The following CYP20A1 variants were observed in gnomAD, a reference collection of about 807,000 sequenced individuals.
The protein encoded by CYP20A1 is cytochrome P450 family 20 subfamily A member 1.
A neutral mutation model predicts 61.4 loss-of-function variants in CYP20A1; 61 were observed. That is an observed-to-expected ratio of 0.99 (90% CI 0.81 to 1.23). CYP20A1 has a LOEUF of 1.23. CYP20A1 is among the 50% of genes most tolerant of loss of function. CYP20A1 has a pLI of 0.00. For synonymous variants in CYP20A1, 193 were observed against 188.2 expected (o/e 1.03, Z -0.21); for missense variants, 530 against 542.4 (o/e 0.98, Z 0.23).
At chr2:203,265,351 G>A (rs1009823808) in intron 4 of CYP20A1, among the ~76,000 whole-genome samples, 5 of 152,144 alleles carry the variant, frequency 3.3e-5, no homozygotes, top group African/African-American at 9.7e-5. Flanking sequence ...CTGCCCTAGA[G>A]ATTACAATAG....
intron 2 of CYP20A1, 104 bp from the exon 3 acceptor site, chr2:203,246,651 C>A: frequency 2.7e-6 from 3 of 1,121,268 alleles, no homozygotes; most frequent in Non-Finnish European, 3.7e-6. Context: ...ATTTCATGAA[C>A]CTTTGTTCTC....
chr2:203,239,190 C>T (rs1384689910), intron 1 of CYP20A1, 56 bp downstream of exon 1: 3 of 1,486,588 alleles, frequency 2.0e-6, no homozygotes, highest in African/African-American at 2.8e-5. Context: ...CTCTCTGTCG[C>T]CGGCATCCAG....
chr2:203,304,809 A>G lies in CYP20A1; in HGVS notation c.*7901A>G, dbSNP rs1042070818. On this transcript the variant is annotated 3_prime_UTR_variant, in exon 13 of 13. Transcript: ENST00000356079. The stretch of plus-strand genomic sequence containing the variant: ...AAATTAGCCAGGTGTGCTGGCGCAC[A>G]CCTGTAGTCCCAACTACTCAGGAGG... 6.6e-5 allele frequency among the ~76,000 whole-genome samples: 10 copies of G among 151,146 alleles called. No individual in the cohort carries two copies. Among genetic ancestry groups the G allele is most frequent in the Non-Finnish European group, 1.3e-4 (9 of 67,786 alleles).
chr2:203,278,104 C>T (rs1395505422), intron 6 of CYP20A1, among the ~76,000 whole-genome samples: 9 of 151,984 alleles, frequency 5.9e-5, no homozygotes, highest in Admixed American at 3.9e-4. Context: ...GGTGAAACCC[C>T]GTCTCTACCA....
rs761584368 is a variant in CYP20A1, at chr2:203,245,843, A to G, written c.73-3A>G. ...TCATTATTATAAACTTTTTTTTTGT[A>G]AGGCTTCCAGACAAGCTGCAGGAAT... On this transcript the variant is annotated splice_region_variant and splice_polypyrimidine_tract_variant and intron_variant, in intron 1 of 12. Coordinates refer to ENST00000356079, the MANE Select transcript of CYP20A1 (RefSeq NM_177538.3). 8 of 1,589,536 alleles carry G rather than the reference A, an allele frequency of 5.0e-6. No homozygotes were observed. Among genetic ancestry groups the G allele is most frequent in the South Asian group, 4.5e-5 (4 of 88,398 alleles).
chr2:203,256,391 G>A (rs535524548), intron 4 of CYP20A1, among the ~76,000 whole-genome samples: 89 of 151,778 alleles, frequency 5.9e-4, no homozygotes, highest in African/African-American at 1.9e-3. Flanking sequence ...ATGGAGTCTC[G>A]CTCTGTCTGC....
At chr2:203,272,917 G>A (rs1399147118) in intron 6 of CYP20A1, among the ~76,000 whole-genome samples, 169 bp downstream of exon 6, 2 of 150,306 alleles carry the variant, frequency 1.3e-5, no homozygotes, top group Non-Finnish European at 3.0e-5. Flanking sequence ...GTGCGATCTC[G>A]GCCACAGCAA....
intron 4 of CYP20A1, among the ~76,000 whole-genome samples, chr2:203,258,374 C>T (rs2067001760): frequency 7.7e-6 from 1 of 130,454 alleles, no homozygotes; most frequent in African/African-American, 2.9e-5. Flanking sequence ...GGCAACATAG[C>T]AGGACCCTAT....
At chr2:203,241,872 C>T (rs557727137) in intron 1 of CYP20A1, among the ~76,000 whole-genome samples, 6 of 152,268 alleles carry the variant, frequency 3.9e-5, no homozygotes, top group South Asian at 4.1e-4. Context: ...TACAAAGTCT[C>T]GCTCTGTCGC....
At chr2:203,271,572 G>A (rs568533985) in intron 5 of CYP20A1, among the ~76,000 whole-genome samples, 1 of 151,892 alleles carries the variant, frequency 6.6e-6, no homozygotes, top group South Asian at 2.1e-4. Context: ...TTTTTTCAGG[G>A]GCTATTGACC....
chr2:203,275,783 A>G (rs544350626), intron 6 of CYP20A1, among the ~76,000 whole-genome samples: 8 of 152,290 alleles, frequency 5.3e-5, no homozygotes, highest in East Asian at 1.9e-4. Context: ...TATTGATTCA[A>G]TTCTATAAAT....
intron 3 of CYP20A1, 150 bp from the exon 4 acceptor site, chr2:203,251,817 A>ATATATGTGTATATATATATATATATATAT (rs34111991): frequency 1.0e-5 from 1 of 95,316 alleles, no homozygotes; most frequent in African/African-American, 3.4e-5. Flanking sequence ...ATATATATAT[A>ATATATGTGTATATATATATATATATATAT]AAAAATAAAA....
Position 203,304,036 on chromosome 2 carries a change from A to G in CYP20A1, c.*7128A>G, listed in dbSNP as rs1319329828. The stretch of plus-strand genomic sequence containing the variant: ...GGAGTTCAAGAACAGCCTGGCCAAC[A>G]TGGGGAAACCGCATCTCTACTAAAA... On this transcript the variant is annotated 3_prime_UTR_variant, in exon 13 of 13. Transcript: ENST00000356079. Among the ~76,000 whole-genome samples, 1 of 152,028 alleles carries G rather than the reference A, an allele frequency of 6.6e-6. No homozygotes were observed. The highest frequency in any genetic ancestry group is 6.6e-5 in the Admixed American group (1 of 15,252).
At position 203,266,514 on chromosome 2, in the gene CYP20A1, C is replaced by A. The variant is rs1020997611; in HGVS notation, c.433C>A (p.Leu145Ile). 1.9e-6 allele frequency: 3 copies of A among 1,612,868 alleles called. No homozygotes were observed. The highest frequency in any genetic ancestry group is 2.7e-5 in the African/African-American group (2 of 74,880). Residue 145 changes from leucine (L) to isoleucine (I), a missense_variant and splice_region_variant, in exon 5 of 13, where the codon CTT becomes ATT. Transcript: ENST00000356079. ...LKSNFALLLK[L>I]SEELLDKWLS... The stretch of plus-strand genomic sequence containing the variant: ...ATTGTGCTTTTCTGTTCTCTTTCAG[C>A]TTTCAGAAGAATTATTAGATAAATG...
intron 4 of CYP20A1, among the ~76,000 whole-genome samples, chr2:203,264,109 C>A (rs562276848): frequency 6.6e-6 from 1 of 152,070 alleles, no homozygotes; most frequent in Non-Finnish European, 1.5e-5. Flanking sequence ...CTCAAGCGAT[C>A]CTCCCAAGTA....
rs906881030 is a variant in CYP20A1, at chr2:203,300,648, G to A, written c.*3740G>A. On this transcript the variant is annotated 3_prime_UTR_variant, in exon 13 of 13. Transcript: ENST00000356079. ...CTCACACCTGTAATCCCAGCTCTTTGGGAGGCCAAGGCGGGTAAATCACCT... is the reference window on the plus strand; with the variant it reads ...CTCACACCTGTAATCCCAGCTCTTTAGGAGGCCAAGGCGGGTAAATCACCT... Among the ~76,000 whole-genome samples the A allele has an allele frequency of 2.6e-5, 4 of 152,084 alleles. No homozygotes were observed. The highest frequency in any genetic ancestry group is 7.2e-5 in the African/African-American group (3 of 41,396).
chr2:203,244,343 A>G (rs545756653), intron 1 of CYP20A1, among the ~76,000 whole-genome samples: 13 of 152,250 alleles, frequency 8.5e-5, no homozygotes, highest in Non-Finnish European at 1.5e-4. Context: ...CTGGGACTAC[A>G]GGAGTGTGCC....
chr2:203,274,305 C>T (rs1301649646), intron 6 of CYP20A1, among the ~76,000 whole-genome samples: 2 of 151,874 alleles, frequency 1.3e-5, no homozygotes, highest in East Asian at 3.9e-4. Context: ...TCTGCCTCAG[C>T]CTCCTGAGTA....
In CYP20A1 at chr2:203,301,928, T is replaced by A. The variant is rs975972537; in HGVS notation, c.*5020T>A. Reference sequence around the variant, plus strand: ...CTGTTAAGATTCTTTTTTTTTTTTTTTTTTTTTTGTTTTGAGACTGAGTCC... The same window carrying A: ...CTGTTAAGATTCTTTTTTTTTTTTTATTTTTTTTGTTTTGAGACTGAGTCC... On this transcript the variant is annotated 3_prime_UTR_variant, in exon 13 of 13. Coordinates refer to ENST00000356079, the MANE Select transcript of CYP20A1 (RefSeq NM_177538.3). Among the ~76,000 whole-genome samples the A allele has an allele frequency of 2.1e-5, 3 of 144,836 alleles. 1 individual carries two copies. Among genetic ancestry groups the A allele is most frequent in the African/African-American group, 7.7e-5 (3 of 39,096 alleles).
Sources: allele counts gnomAD v4.1 joint callset (sites outside exome capture counted in the v4.1 genomes callset), GRCh38; gene constraint gnomAD v4.1.1; transcripts MANE v1.5; gene names NCBI Gene and HGNC (gene_info 2026-07-23, HGNC 2026-07-21).